The following SNAP47 variants were observed in gnomAD, a reference collection of about 807,000 sequenced individuals.
SNAP47 encodes the protein synaptosome associated protein 47, also known as synaptosomal-associated protein 47.
Under a neutral mutation model 31.4 loss-of-function variants are expected in SNAP47, and 20 were observed. The ratio of observed to expected loss-of-function variants is 0.64; its 90% CI spans 0.45 to 0.93. The LOEUF is 0.93. Among genes scored for constraint, SNAP47 ranks in the 40% least tolerant of loss-of-function variants. The pLI, the probability that SNAP47 is intolerant of heterozygous loss-of-function variation, is 0.00. For synonymous variants in SNAP47, 194 were observed against 213.4 expected, an observed-to-expected ratio of 0.91 and a Z score of 0.79; for missense variants, 492 against 528.5, an observed-to-expected ratio of 0.93 and a Z score of 0.68.
At chr1:227,732,948 A>G (rs1352183275), upstream of SNAP47, 1 of 1,613,250 alleles carries the variant, frequency 6.2e-7, no homozygotes, top group Non-Finnish European at 8.5e-7. Context: ...CACGGCGCAT[A>G]GCTCCTGCTG....
rs560505653 is a variant in SNAP47 at position 227,743,209 on chromosome 1, G to A, written c.-45-4483G>A. ...GGCCTCCTCCTGGTGGTGAGAGATGGTGTCGCCTAGGAAGGGCGGCTCTGG... is the reference window on the plus strand; with the variant it reads ...GGCCTCCTCCTGGTGGTGAGAGATGATGTCGCCTAGGAAGGGCGGCTCTGG... On this transcript the variant is annotated intron_variant, in intron 1 of 4. Coordinates refer to ENST00000617596, the MANE Select transcript of SNAP47 (RefSeq NM_053052.4). Among the ~76,000 whole-genome samples, 8 of 152,284 alleles carry A rather than the reference G, an allele frequency of 5.3e-5. No individual in the cohort carries two copies. The East Asian group carries it at 7.7e-4, about 15-fold the overall frequency.
Position 227,741,960 on chromosome 1 carries a change from A to G in SNAP47, c.-45-5732A>G, listed in dbSNP as rs1661634692. On this transcript the variant is annotated intron_variant, in intron 1 of 4. Coordinates refer to ENST00000617596, the MANE Select transcript of SNAP47 (RefSeq NM_053052.4). This position sits in a 1 kb window ranked among gnomAD's most constrained non-coding sequence, Gnocchi z 4.2. Reference sequence around the variant, plus strand: ...TTATATTTATTGTTTAAAATGTGATAATGAGAAGAGCCTTGGTTATTCATG... The same window carrying G: ...TTATATTTATTGTTTAAAATGTGATGATGAGAAGAGCCTTGGTTATTCATG... Among the ~76,000 whole-genome samples, 2 of 151,888 alleles carry G rather than the reference A, an allele frequency of 1.3e-5. No individual in the cohort carries two copies. The highest frequency in any genetic ancestry group is 2.4e-5 in the African/African-American group (1 of 41,354).
rs139900459 is a variant in SNAP47 at position 227,766,066 on chromosome 1, G to A, written c.989-893G>A. Among the ~76,000 whole-genome samples, 98 of 152,226 alleles carry A rather than the reference G, an allele frequency of 6.4e-4. No individual in the cohort carries two copies. In the East Asian group the frequency reaches 0.015, roughly 23 times the overall value. On this transcript the variant is annotated intron_variant, in intron 3 of 4. Coordinates refer to ENST00000617596, the MANE Select transcript of SNAP47 (RefSeq NM_053052.4). ...CTTTCCTCTCCTTTTCTGATGTCACGCTCAGCCACTGCTCCCGGGCTGCAT... is the reference window on the plus strand; with the variant it reads ...CTTTCCTCTCCTTTTCTGATGTCACACTCAGCCACTGCTCCCGGGCTGCAT...
At chr1:227,751,787 G>A (rs1424771794) in intron 2 of SNAP47, among the ~76,000 whole-genome samples, 10 of 95,158 alleles carry the variant, frequency 1.1e-4, no homozygotes, top group African/African-American at 2.5e-4. Context: ...TTTTTGAGAC[G>A]GAGTCTCGCT....
At chr1:227,736,371 G>A (rs1661163162) in intron 1 of SNAP47, 2 of 152,494 alleles carry the variant, frequency 1.3e-5, no homozygotes, top group Non-Finnish European at 2.9e-5. Context: ...GTGACATGAG[G>A]AGTGTTTTGC....
At chr1:227,755,266 C>G (rs75145099) in intron 2 of SNAP47, among the ~76,000 whole-genome samples, 7 of 152,110 alleles carry the variant, frequency 4.6e-5, no homozygotes, top group African/African-American at 1.7e-4. Context: ...TGCAGTGGCG[C>G]GATCACAGCT....
chr1:227,739,148 C>G (rs1661429455), intron 1 of SNAP47, among the ~76,000 whole-genome samples: 1 of 152,202 alleles, frequency 6.6e-6, no homozygotes, highest in South Asian at 2.1e-4. Context: ...CCACACAATA[C>G]TCCATTAGGA....
At chr1:227,748,588 C>T (rs1662134387) in intron 2 of SNAP47, among the ~76,000 whole-genome samples, 1 of 152,216 alleles carries the variant, frequency 6.6e-6, no homozygotes, top group South Asian at 2.1e-4. Context: ...GTTTCTGGCT[C>T]CTATGTGGTG....
chr1:227,732,865 T>C (rs775421460), upstream of SNAP47: 1 of 1,612,088 alleles, frequency 6.2e-7, no homozygotes. Flanking sequence ...GTAGCCTCCA[T>C]GCGTAGCCAC....
chr1:227,733,746 A>G, upstream of SNAP47: 1 of 1,595,248 alleles, frequency 6.3e-7, no homozygotes. Flanking sequence ...TTGGCACCCC[A>G]GAGGCCTGGT....
chr1:227,750,804 A>G (rs1413019945), intron 2 of SNAP47, among the ~76,000 whole-genome samples: 1 of 152,206 alleles, frequency 6.6e-6, no homozygotes, highest in Non-Finnish European at 1.5e-5. Context: ...AGTCACAGAA[A>G]AAACAAATGC....
chr1:227,767,032 G>T lies in SNAP47; in HGVS notation c.1062G>T (p.Leu354=). ...ACCAGGAGGGCACAGCACTGCACCT[G>T]CAGACAAGCCTGCCAGCCCTTTCTG... ...AGDQEGTALH[L]QTSLPALSEA... Residue 354 remains leucine, a synonymous_variant, in exon 4 of 5, where the codon CTG becomes CTT. Transcript: ENST00000617596. The T allele has an allele frequency of 6.2e-7, 1 of 1,614,042 alleles. No homozygotes were observed. The highest frequency in any genetic ancestry group is 8.5e-7 in the Non-Finnish European group (1 of 1,180,040).
chr1:227,780,643 G>T lies in SNAP47; in HGVS notation c.1230G>T (p.Lys410Asn), dbSNP rs1202645516. Residue 410 changes from lysine (K) to asparagine (N), a missense_variant, in exon 5 of 5, where the codon AAG (lysine) becomes AAT (asparagine). Coordinates refer to ENST00000617596, the MANE Select transcript of SNAP47 (RefSeq NM_053052.4). ...ACAGGGCAACCTTGACCATCGACAAGCACAACAGGCGGATGAAGAGGCTGA... is the reference window on the plus strand; with the variant it reads ...ACAGGGCAACCTTGACCATCGACAATCACAACAGGCGGATGAAGAGGCTGA... ...AVDRATLTID[K>N]HNRRMKRLT 6.2e-7 allele frequency: 1 copy of T among 1,614,088 alleles called. No individual in the cohort carries two copies. The highest frequency in any genetic ancestry group is 8.5e-7 in the Non-Finnish European group (1 of 1,180,038).
chr1:227,751,750 T>TTTTTG (rs1662375395), intron 2 of SNAP47, among the ~76,000 whole-genome samples: 1 of 31,590 alleles, frequency 3.2e-5, no homozygotes, highest in African/African-American at 2.2e-4. Context: ...CTTGGTTTTT[T>TTTTTG]TTTTTTTTTT....
At chr1:227,733,397 G>C (rs1249442730), upstream of SNAP47, 1 of 1,567,086 alleles carries the variant, frequency 6.4e-7, no homozygotes, top group East Asian at 2.3e-5. Flanking sequence ...TAGGGGGCAG[G>C]AGAAGCAGCA....
upstream of SNAP47, chr1:227,732,773 A>C: frequency 1.3e-6 from 2 of 1,588,944 alleles, no homozygotes; most frequent in Non-Finnish European, 1.7e-6. Context: ...CGAAGAAGGG[A>C]CCATTAAGAC....
At chr1:227,768,236 T>C in intron 4 of SNAP47, 1 of 982,044 alleles carries the variant, frequency 1.0e-6, no homozygotes, top group Non-Finnish European at 1.2e-6. Flanking sequence ...TTCCGTCTCG[T>C]CTTCCCCTAC....
At chr1:227,744,116 G>C (rs1445198955) in intron 1 of SNAP47, 1 of 151,466 alleles carries the variant, frequency 6.6e-6, no homozygotes, top group Non-Finnish European at 1.5e-5. Context: ...GGTTGGTGCT[G>C]TGTTGCTTAG....
chr1:227,766,988 C>G lies in SNAP47; in HGVS notation c.1018C>G (p.Arg340Gly). ...ASGLMGRTLH[R>G]EPPAGDQEGT... Reference sequence around the variant, plus strand: ...TGGGCTGATGGGCCGTACCCTGCACCGTGAGCCACCCGCAGGAGACCAGGA... The same window carrying G: ...TGGGCTGATGGGCCGTACCCTGCACGGTGAGCCACCCGCAGGAGACCAGGA... The change falls in exon 4 of 5, where the codon CGT (arginine) becomes GGT (glycine). Residue 340 changes from arginine (R) to glycine (G), a missense_variant. Transcript: ENST00000617596. 2 of 1,613,948 alleles carry G rather than the reference C, an allele frequency of 1.2e-6. No homozygotes were observed. Among genetic ancestry groups the G allele is most frequent in the Non-Finnish European group, 1.7e-6 (2 of 1,180,034 alleles).
Sources: allele counts gnomAD v4.1 joint callset (sites outside exome capture counted in the v4.1 genomes callset), GRCh38; gene constraint gnomAD v4.1.1; non-coding constraint Gnocchi (gnomAD v3.1); transcripts MANE v1.5; gene names NCBI Gene and HGNC (gene_info 2026-07-23, HGNC 2026-07-21).